NELL2: variants seen among roughly 807,000 people sequenced by gnomAD.
The protein encoded by NELL2 is protein kinase C-binding protein NELL2.
Under a neutral mutation model 109.6 loss-of-function variants are expected in NELL2, and 41 were observed. The ratio of observed to expected loss-of-function variants is 0.37; its 90% CI spans 0.29 to 0.49. The LOEUF is 0.49. NELL2 is among the 20% of genes least tolerant of loss of function. NELL2 has a pLI of 0.98. For synonymous variants in NELL2, 355 were observed against 344.7 expected, an observed-to-expected ratio of 1.03 and a Z score of -0.33; for missense variants, 900 against 1,008.3, an observed-to-expected ratio of 0.89 and a Z score of 1.45.
At chr12:44,531,441 C>A (rs1371685696) in intron 16 of NELL2, among the ~76,000 whole-genome samples, 1 of 152,148 alleles carries the variant, frequency 6.6e-6, no homozygotes, top group Non-Finnish European at 1.5e-5. Flanking sequence ...GGAACATTCA[C>A]CAGTGCAAGA....
intron 15 of NELL2, among the ~76,000 whole-genome samples, chr12:44,584,136 G>A (rs1167641090): frequency 2.0e-5 from 3 of 152,202 alleles, no homozygotes; most frequent in South Asian, 4.1e-4. Flanking sequence ...CAGGCACTCT[G>A]CTATATCTTT....
chr12:44,737,889 C>CA (rs71093823), intron 9 of NELL2, among the ~76,000 whole-genome samples: 22,088 of 138,152 alleles, frequency 0.16, 1,694 homozygotes, highest in East Asian at 0.23. Context: ...CGGTTGGCTG[C>CA]AAAAAAAAAA....
Position 44,532,843 on chromosome 12 carries a change from A to T in NELL2, c.1664-122T>A, listed in dbSNP as rs1483404379. 5 of 879,956 alleles carry T rather than the reference A, an allele frequency of 5.7e-6. No homozygotes were observed. In the African/African-American group the frequency reaches 8.5e-5, roughly 15 times the overall value. The allele number at this position is 879,956 out of a possible 1,614,324, so 54.5% of individuals were successfully genotyped here. ...AATCCTTGAAACTGGGAAAATATAA[A>T]ATTAAGAAAGTCTACTTGTTTGTTA... On this transcript the variant is annotated intron_variant, in intron 15 of 19. Transcript: ENST00000429094.
At chr12:44,831,915 G>T (rs1403596721) in intron 2 of NELL2, among the ~76,000 whole-genome samples, 1 of 152,092 alleles carries the variant, frequency 6.6e-6, no homozygotes, top group Non-Finnish European at 1.5e-5. Context: ...TGCATTTTGG[G>T]TCTCTTTGTT....
intron 2 of NELL2, among the ~76,000 whole-genome samples, chr12:44,860,938 T>A (rs1944822829): frequency 6.6e-6 from 1 of 152,122 alleles, no homozygotes; most frequent in South Asian, 2.1e-4. Context: ...CAAAATCTCA[T>A]CTAAATCTTA....
chr12:44,581,863 A>G (rs1398807629), intron 15 of NELL2, among the ~76,000 whole-genome samples: 1 of 152,180 alleles, frequency 6.6e-6, no homozygotes, highest in East Asian at 1.9e-4. Flanking sequence ...AGGGCCTAAA[A>G]CATGGTAAAT....
intron 15 of NELL2, among the ~76,000 whole-genome samples, chr12:44,584,665 C>T (rs1455088791): frequency 6.6e-6 from 1 of 152,192 alleles, no homozygotes; most frequent in Non-Finnish European, 1.5e-5. Context: ...TTCTAATTAT[C>T]TCAGTAGGCA....
chr12:44,791,521 G>A (rs758523857), intron 3 of NELL2, among the ~76,000 whole-genome samples: 2 of 151,744 alleles, frequency 1.3e-5, no homozygotes, highest in African/African-American at 4.8e-5. Flanking sequence ...CATAGGAGAC[G>A]TGATGGTGTC....
intron 15 of NELL2, among the ~76,000 whole-genome samples, chr12:44,566,086 G>C (rs929924327): frequency 2.7e-4 from 41 of 152,258 alleles, no homozygotes; most frequent in African/African-American, 8.9e-4. Context: ...GGGATGATAA[G>C]AATGGTTGCA....
chr12:44,586,360 T>C (rs1199263700), intron 15 of NELL2, among the ~76,000 whole-genome samples: 1 of 150,890 alleles, frequency 6.6e-6, no homozygotes, highest in African/African-American at 2.4e-5. Flanking sequence ...ACATATGTCA[T>C]AAATACGTGA....
At chr12:44,859,879 T>G (rs884259) in intron 2 of NELL2, among the ~76,000 whole-genome samples, 121,356 of 152,000 alleles carry the variant, frequency 0.8, 48,900 homozygotes, top group Middle Eastern at 0.94. Flanking sequence ...TGATATCCCT[T>G]GTACTTTTCA....
At chr12:44,848,000 C>T (rs748449183) in intron 2 of NELL2, among the ~76,000 whole-genome samples, 16 of 142,246 alleles carry the variant, frequency 1.1e-4, no homozygotes, top group Non-Finnish European at 2.0e-4. Flanking sequence ...CCACTGCATC[C>T]GGTCTGGGCG....
chr12:44,895,732 C>A (rs1377063237), intron 1 of NELL2, among the ~76,000 whole-genome samples: 3 of 152,118 alleles, frequency 2.0e-5, no homozygotes, highest in African/African-American at 7.2e-5. Flanking sequence ...CACCCCCTAA[C>A]TTTAATTAGA....
chr12:44,848,487 G>C (rs1464207871), intron 2 of NELL2, among the ~76,000 whole-genome samples: 1 of 152,076 alleles, frequency 6.6e-6, no homozygotes, highest in Non-Finnish European at 1.5e-5. Context: ...GGTGGGCAAA[G>C]GATATCAACC....
chr12:44,875,641 T>G (rs1945296492), intron 1 of NELL2, 174 bp downstream of exon 1: 4 of 1,598,006 alleles, frequency 2.5e-6, no homozygotes, highest in Non-Finnish European at 3.4e-6. Flanking sequence ...CCTCGCGGTC[T>G]CCAAGGCAAG....
chr12:44,698,845 T>A (rs1051188390), intron 12 of NELL2, among the ~76,000 whole-genome samples: 1 of 152,160 alleles, frequency 6.6e-6, no homozygotes, highest in Non-Finnish European at 1.5e-5. Context: ...AAGGCTTAGA[T>A]AGGAAAATCA....
chr12:44,767,609 A>G (rs774277119), intron 9 of NELL2, among the ~76,000 whole-genome samples: 6 of 152,228 alleles, frequency 3.9e-5, no homozygotes, highest in Admixed American at 2.0e-4. Context: ...TAACAAATGT[A>G]TAAATTAGTT....
At chr12:44,562,315 T>C (rs950912200) in intron 15 of NELL2, among the ~76,000 whole-genome samples, 1 of 152,004 alleles carries the variant, frequency 6.6e-6, no homozygotes, top group African/African-American at 2.4e-5. Flanking sequence ...AATTGACAAA[T>C]GGGATCTAAT....
intron 13 of NELL2, among the ~76,000 whole-genome samples, chr12:44,619,601 AGAG>A (rs1311829684): frequency 6.8e-6 from 1 of 147,382 alleles, no homozygotes; most frequent in African/African-American, 2.4e-5. Context: ...GAGAGAAGGA[AGAG>A]GAGAAAGAGG....
Sources: allele counts gnomAD v4.1 joint callset (sites outside exome capture counted in the v4.1 genomes callset), GRCh38; gene constraint gnomAD v4.1.1; transcripts MANE v1.5; gene names NCBI Gene and HGNC (gene_info 2026-07-23, HGNC 2026-07-21).